NRXN3: variants seen among roughly 807,000 people sequenced by gnomAD.
The protein encoded by NRXN3 is neurexin 3.
NRXN3 carries 32 observed loss-of-function variants against 137.6 expected under a neutral mutation model. The ratio of observed to expected loss-of-function variants is 0.23; its 90% CI spans 0.18 to 0.31. The LOEUF (loss-of-function observed/expected upper bound fraction) is 0.31. Ranked by LOEUF, NRXN3 falls within the 10% of genes least tolerant of loss-of-function variation. The probability of loss-of-function intolerance (pLI) is 1.00; values close to 1 mark genes in which losing one functional copy is unlikely to be tolerated. For missense variants in NRXN3, 1,574 were observed against 2,062.5 expected, an observed-to-expected ratio of 0.76 and a Z score of 4.59; for synonymous variants, 798 against 784.5, an observed-to-expected ratio of 1.02 and a Z score of -0.29.
intron 4 of NRXN3, among the ~76,000 whole-genome samples, chr14:78,411,301 T>C (rs2092814533): frequency 6.6e-6 from 1 of 152,148 alleles, no homozygotes; most frequent in Non-Finnish European, 1.5e-5. Flanking sequence ...ATGTTTGCTT[T>C]TGAATTAGTA....
chr14:79,531,306 G>A (rs778809937), intron 16 of NRXN3, among the ~76,000 whole-genome samples: 13 of 152,190 alleles, frequency 8.5e-5, no homozygotes, highest in African/African-American at 1.7e-4. Flanking sequence ...CATGGAGGAC[G>A]TGGAGTTTGT....
intron 15 of NRXN3, among the ~76,000 whole-genome samples, chr14:79,389,098 A>G (rs577086926): frequency 6.6e-6 from 1 of 152,332 alleles, no homozygotes; most frequent in Non-Finnish European, 1.5e-5. Context: ...ATGAGAACTG[A>G]CTAATGCAGG....
At chr14:78,519,256 C>T (rs780209823) in intron 4 of NRXN3, among the ~76,000 whole-genome samples, 5 of 152,088 alleles carry the variant, frequency 3.3e-5, no homozygotes, top group Non-Finnish European at 5.9e-5. Flanking sequence ...TTTGGCAAAC[C>T]GAGGTATCTC....
Position 78,364,547 on chromosome 14 carries a change from T to A in NRXN3, c.757+66687T>A, listed in dbSNP as rs752981355. Among the ~76,000 whole-genome samples the A allele has an allele frequency of 2.6e-4, 39 of 152,232 alleles. 1 individual carries two copies. The highest frequency in any genetic ancestry group is 5.0e-4 in the Non-Finnish European group (34 of 68,040). Reference sequence around the variant, plus strand: ...GTGGATTGACACTGGCATTTTCAAATAATCTGATGTCAGATGTATACATGT... The same window carrying A: ...GTGGATTGACACTGGCATTTTCAAAAAATCTGATGTCAGATGTATACATGT... On this transcript the variant is annotated intron_variant, in intron 4 of 20. Coordinates refer to ENST00000335750, the MANE Select transcript of NRXN3 (RefSeq NM_001330195.2).
chr14:79,665,060 C>CTA lies in NRXN3; in HGVS notation c.3616+1113_3616+1114dup, dbSNP rs572078113. 1.4e-3 allele frequency among the ~76,000 whole-genome samples: 213 copies of CTA among 152,228 alleles called. 2 individuals carry two copies. Among genetic ancestry groups the CTA allele is most frequent in the African/African-American group, 4.7e-3 (195 of 41,558 alleles). ...TGAGAAAGATACAAAGTGAATTTGC[C>CTA]TATTTGTAGGCCAAGACTTTGAATG... On this transcript the variant is annotated intron_variant, in intron 17 of 20. Transcript: ENST00000335750.
At chr14:78,318,172 C>A (rs556997145) in intron 4 of NRXN3, among the ~76,000 whole-genome samples, 1 of 152,190 alleles carries the variant, frequency 6.6e-6, no homozygotes, top group South Asian at 2.1e-4. Context: ...GCTTGTGTGC[C>A]AGCATAGGTA....
chr14:79,325,015 A>G (rs527263246), intron 15 of NRXN3, among the ~76,000 whole-genome samples: 36 of 152,188 alleles, frequency 2.4e-4, no homozygotes, highest in Non-Finnish European at 3.5e-4. Context: ...TGCATTATTC[A>G]TGAACACATA....
At chr14:78,851,086 G>T (rs1290639217) in intron 10 of NRXN3, among the ~76,000 whole-genome samples, 3 of 152,160 alleles carry the variant, frequency 2.0e-5, no homozygotes, top group African/African-American at 7.2e-5. Context: ...GAAATATGAA[G>T]TAGGAAATTC....
chr14:78,823,267 C>G (rs2098956388), intron 10 of NRXN3, among the ~76,000 whole-genome samples: 1 of 152,132 alleles, frequency 6.6e-6, no homozygotes, highest in Non-Finnish European at 1.5e-5. Context: ...TTATTTCCTT[C>G]CATTGTACTC....
At chr14:78,232,991 TTTG>T (rs953320231) in intron 1 of NRXN3, among the ~76,000 whole-genome samples, 6 of 151,990 alleles carry the variant, frequency 3.9e-5, no homozygotes, top group East Asian at 1.9e-4. Flanking sequence ...GAGAGAAGAG[TTTG>T]TTGTTGTTGT....
intron 4 of NRXN3, among the ~76,000 whole-genome samples, chr14:78,545,800 C>A (rs1021527069): frequency 1.3e-5 from 2 of 152,168 alleles, no homozygotes; most frequent in Non-Finnish European, 2.9e-5. Context: ...CTCTTTCCCT[C>A]AGGAACTCTA....
intron 4 of NRXN3, among the ~76,000 whole-genome samples, chr14:78,531,537 TA>T (rs1315533175): frequency 3.3e-5 from 5 of 152,222 alleles, no homozygotes; most frequent in Non-Finnish European, 5.9e-5. Context: ...TTTTGTTTTT[TA>T]CAAAAGGGCT....
chr14:79,645,170 T>C (rs1427437490), intron 16 of NRXN3, among the ~76,000 whole-genome samples: 2 of 134,872 alleles, frequency 1.5e-5, no homozygotes, highest in East Asian at 3.9e-4. Flanking sequence ...ATTTTTTTTG[T>C]CCTTAAATAT....
chr14:79,170,498 A>G (rs139199648), intron 15 of NRXN3, among the ~76,000 whole-genome samples: 6 of 152,286 alleles, frequency 3.9e-5, no homozygotes, highest in African/African-American at 1.4e-4. Flanking sequence ...GTAGATATAC[A>G]TTCATGGAGG....
chr14:79,700,568 T>C (rs1334813078), intron 19 of NRXN3, among the ~76,000 whole-genome samples: 1 of 152,078 alleles, frequency 6.6e-6, no homozygotes, highest in Admixed American at 6.6e-5. Flanking sequence ...TCTAGTTCTT[T>C]CTTAAAGCAT....
At chr14:79,256,328 T>C (rs1217640176) in intron 15 of NRXN3, among the ~76,000 whole-genome samples, 1 of 152,212 alleles carries the variant, frequency 6.6e-6, no homozygotes, top group Non-Finnish European at 1.5e-5. Flanking sequence ...GAAATTGTTT[T>C]TATCAGCACT....
intron 8 of NRXN3, among the ~76,000 whole-genome samples, chr14:78,763,139 G>A (rs1205034441): frequency 6.6e-6 from 1 of 152,136 alleles, no homozygotes; most frequent in Non-Finnish European, 1.5e-5. Context: ...CGGATTCAAG[G>A]CAATGCTGTC....
At chr14:79,062,969 T>C (rs73320821) in intron 15 of NRXN3, among the ~76,000 whole-genome samples, 1,796 of 152,254 alleles carry the variant, frequency 0.012, 30 homozygotes, top group African/African-American at 0.041. Flanking sequence ...GTAATTTGTA[T>C]AGTATGTATT....
chr14:79,321,767 C>G (rs2090064524), intron 15 of NRXN3, among the ~76,000 whole-genome samples: 2 of 149,812 alleles, frequency 1.3e-5, no homozygotes, highest in African/African-American at 2.4e-5. Context: ...TGTAATTACA[C>G]ATATCTATAT....
Sources: gnomAD v4.1 joint callset for allele counts (sites outside exome capture counted in the v4.1 genomes callset) on GRCh38, gnomAD v4.1.1 for gene constraint, MANE v1.5 for transcripts, NCBI Gene and HGNC (gene_info 2026-07-23, HGNC 2026-07-21) for gene names.